Variants in KHDRBS2 observed in about 807,000 individuals in gnomAD.
KHDRBS2 encodes the protein KH domain-containing, RNA-binding, signal transduction-associated protein 2.
A neutral mutation model predicts 44.3 loss-of-function variants in KHDRBS2; 26 were observed. The observed-to-expected ratio is 0.59, with a 90% CI of 0.43 to 0.81. The LOEUF (loss-of-function observed/expected upper bound fraction) is 0.81. Ranked by LOEUF, KHDRBS2 falls within the 40% of genes least tolerant of loss-of-function variation. KHDRBS2 has a pLI of 0.00. For missense variants in KHDRBS2, 476 were observed against 433.1 expected (o/e 1.10, Z -0.88); for synonymous variants, 194 against 151.1 (o/e 1.28, Z -2.08).
chr6:62,062,101 A>C (rs1271250840), intron 2 of KHDRBS2, among the ~76,000 whole-genome samples: 2 of 149,786 alleles, frequency 1.3e-5, no homozygotes, highest in African/African-American at 4.9e-5. Context: ...ATATGCACCC[A>C]ATACAGGAGC....
chr6:61,590,789 T>C, the KHDRBS2 span, among the ~76,000 whole-genome samples: 3 of 152,312 alleles, frequency 2.0e-5, no homozygotes, highest in African/African-American at 7.2e-5. Flanking sequence ...ATTCATACTC[T>C]GGATATTTGG....
chr6:62,019,476 T>C (rs935805343), intron 3 of KHDRBS2, among the ~76,000 whole-genome samples: 1 of 152,140 alleles, frequency 6.6e-6, no homozygotes, highest in Non-Finnish European at 1.5e-5. Context: ...AACTGGGAAA[T>C]AATTCTTTCC....
At chr6:61,828,105 A>G (rs1791204689) in intron 6 of KHDRBS2, among the ~76,000 whole-genome samples, 1 of 152,168 alleles carries the variant, frequency 6.6e-6, no homozygotes, top group Non-Finnish European at 1.5e-5. Flanking sequence ...GGAGACATCT[A>G]TGATGTTCAG....
chr6:61,664,681 T>A, the KHDRBS2 span, among the ~76,000 whole-genome samples: 9 of 151,716 alleles, frequency 5.9e-5, no homozygotes, highest in African/African-American at 2.2e-4. Flanking sequence ...AGAACACAAC[T>A]GGAAAATGAC....
intron 2 of KHDRBS2, among the ~76,000 whole-genome samples, chr6:62,154,443 T>C (rs1260018812): frequency 6.6e-6 from 1 of 152,164 alleles, no homozygotes; most frequent in Non-Finnish European, 1.5e-5. Context: ...CTTGAAGATA[T>C]CAAATTTTAA....
At chr6:62,214,335 T>C (rs116099131) in intron 1 of KHDRBS2, among the ~76,000 whole-genome samples, 5,244 of 152,290 alleles carry the variant, frequency 0.034, 108 homozygotes, top group Non-Finnish European at 0.053. Context: ...CAGGTAAGTA[T>C]GAAATTAATG....
intron 6 of KHDRBS2, among the ~76,000 whole-genome samples, chr6:61,771,574 T>G (rs1235448247): frequency 6.6e-6 from 1 of 151,834 alleles, no homozygotes; most frequent in East Asian, 1.9e-4. Flanking sequence ...CCACCAAAGA[T>G]CAAAAGAGAC....
chr6:61,859,159 A>C (rs1796559045), intron 6 of KHDRBS2, among the ~76,000 whole-genome samples: 1 of 151,854 alleles, frequency 6.6e-6, no homozygotes, highest in Non-Finnish European at 1.5e-5. Flanking sequence ...GGCAGATATA[A>C]AGGAATTCCT....
the KHDRBS2 span, among the ~76,000 whole-genome samples, chr6:61,565,264 T>A: frequency 6.6e-6 from 1 of 152,106 alleles, no homozygotes; most frequent in African/African-American, 2.4e-5. Flanking sequence ...GGCAAATGAT[T>A]TCTTGAGTAA....
chr6:62,027,391 T>G (rs1022659163), intron 3 of KHDRBS2, among the ~76,000 whole-genome samples: 2 of 152,142 alleles, frequency 1.3e-5, no homozygotes, highest in Non-Finnish European at 2.9e-5. Context: ...GTCCCTGGTT[T>G]CTAGCATGGA....
intron 2 of KHDRBS2, among the ~76,000 whole-genome samples, chr6:62,168,708 G>A (rs1180499303): frequency 6.6e-6 from 1 of 151,838 alleles, no homozygotes; most frequent in Non-Finnish European, 1.5e-5. Flanking sequence ...TATTCTTTTG[G>A]TATCTGTAAC....
the KHDRBS2 span, among the ~76,000 whole-genome samples, chr6:61,612,709 G>T: frequency 6.6e-6 from 1 of 152,092 alleles, no homozygotes; most frequent in African/African-American, 2.4e-5. Context: ...AGAATATTGA[G>T]AAAAGTTTAG....
intron 1 of KHDRBS2, among the ~76,000 whole-genome samples, chr6:62,239,844 C>T (rs536057574): frequency 6.6e-6 from 1 of 151,702 alleles, no homozygotes; most frequent in Non-Finnish European, 1.5e-5. Context: ...CACCACCATG[C>T]CCGACCAATT....
chr6:62,203,793 T>C (rs896575029), intron 1 of KHDRBS2, among the ~76,000 whole-genome samples: 2 of 152,152 alleles, frequency 1.3e-5, no homozygotes, highest in East Asian at 1.9e-4. Context: ...ACTTCCTACA[T>C]ACCAAGTGCT....
intron 3 of KHDRBS2, among the ~76,000 whole-genome samples, chr6:62,000,076 A>G (rs1431252162): frequency 6.6e-6 from 1 of 152,092 alleles, no homozygotes; most frequent in African/African-American, 2.4e-5. Context: ...TTAGGATGAT[A>G]TGGACATCTT....
chr6:61,689,700 G>A (rs866133239), intron 8 of KHDRBS2, among the ~76,000 whole-genome samples: 3 of 151,890 alleles, frequency 2.0e-5, no homozygotes, highest in South Asian at 2.1e-4. Flanking sequence ...CTGGACAATC[G>A]CAAACTTCAG....
intron 6 of KHDRBS2, among the ~76,000 whole-genome samples, chr6:61,734,248 T>C (rs1774964163): frequency 1.3e-5 from 2 of 152,136 alleles, no homozygotes; most frequent in South Asian, 4.1e-4. Flanking sequence ...AGTTTCTCTA[T>C]TTGTTCCTTG....
In KHDRBS2 at chr6:62,246,137, A is replaced by ATAT. The variant is rs1835540285; in HGVS notation, c.91+39720_91+39721insATA. Among the ~76,000 whole-genome samples the ATAT allele has an allele frequency of 4.6e-5, 5 of 109,406 alleles. No homozygotes were observed. The Admixed American group carries it at 5.2e-4, about 11-fold the overall frequency. 71.8% of individuals were successfully genotyped at this position (109,406 alleles called of 152,430 possible). A position where few individuals can be genotyped will look rare whatever the true frequency, so the allele number is the denominator to read the frequency against. On this transcript the variant is annotated intron_variant, in intron 1 of 8. Coordinates refer to ENST00000281156, the MANE Select transcript of KHDRBS2 (RefSeq NM_152688.4). The stretch of plus-strand genomic sequence containing the variant: ...ATATATATATATATATATATATATA[A>ATAT]TCAATGTTAAAGCTACTCAGATAAG...
At chr6:62,162,766 G>C (rs1302587749) in intron 2 of KHDRBS2, among the ~76,000 whole-genome samples, 1 of 151,972 alleles carries the variant, frequency 6.6e-6, no homozygotes, top group Non-Finnish European at 1.5e-5. Flanking sequence ...GGTATATTTT[G>C]AACATAAGAC....
Sources: allele counts gnomAD v4.1 joint callset (sites outside exome capture counted in the v4.1 genomes callset), GRCh38; gene constraint gnomAD v4.1.1; transcripts MANE v1.5; gene names NCBI Gene and HGNC (gene_info 2026-07-23, HGNC 2026-07-21).